Variants in NPTXR observed in about 807,000 individuals in gnomAD.
The protein encoded by NPTXR is neuronal pentraxin receptor.
NPTXR carries 12 observed loss-of-function variants against 32.2 expected under a neutral mutation model. That is an observed-to-expected ratio of 0.37 (90% CI 0.24 to 0.60). NPTXR has a LOEUF of 0.60. Among genes scored for constraint, NPTXR ranks in the 20% least tolerant of loss-of-function variants. The probability of loss-of-function intolerance (pLI) is 0.66; values close to 1 mark genes in which losing one functional copy is unlikely to be tolerated. For missense variants in NPTXR, 612 were observed against 682.9 expected (o/e 0.90, Z 1.16); for synonymous variants, 323 against 315.8 (o/e 1.02, Z -0.24).
Position 38,822,496 on chromosome 22 carries a change from C to T in NPTXR, c.*113G>A. 1.1e-6 allele frequency: 1 copy of T among 892,200 alleles called. No individual in the cohort carries two copies. The highest frequency in any genetic ancestry group is 1.8e-6 in the Non-Finnish European group (1 of 568,194). 55.3% of individuals were successfully genotyped at this position (892,200 alleles called of 1,614,324 possible). On this transcript the variant is annotated 3_prime_UTR_variant, in exon 5 of 5. Transcript: ENST00000333039. Reference sequence around the variant, plus strand: ...GGTGAGGGGAAATGGGAGGCACAGCCAGGAGTGGGGCAGGAGGGAAGGCCA... The same window carrying T: ...GGTGAGGGGAAATGGGAGGCACAGCTAGGAGTGGGGCAGGAGGGAAGGCCA...
rs1393992566 is a variant in NPTXR at position 38,834,198 on chromosome 22, G to A, written c.625-5686C>T. 6.6e-6 allele frequency among the ~76,000 whole-genome samples: 1 copy of A among 152,082 alleles called. No individual in the cohort carries two copies. On this transcript the variant is annotated intron_variant, in intron 1 of 4. Transcript: ENST00000333039. The surrounding 1 kb of genome is among the most constrained non-coding windows in gnomAD (Gnocchi z 4.4). ...AGTCCTGGCTACTCTCCGCTGGACT[G>A]TGCCACAGCTTCCACTCCCACCCTC...
At chr22:38,825,465 T>C (rs1378773147) in intron 3 of NPTXR, among the ~76,000 whole-genome samples, 3 of 152,128 alleles carry the variant, frequency 2.0e-5, no homozygotes, top group African/African-American at 7.2e-5. Flanking sequence ...GTGCCCAGTA[T>C]AATAAAAATA....
intron 3 of NPTXR, among the ~76,000 whole-genome samples, chr22:38,826,181 C>A (rs986578724): frequency 3.3e-5 from 5 of 152,150 alleles, no homozygotes; most frequent in African/African-American, 1.2e-4. Flanking sequence ...TGAGCAGGGC[C>A]CTGGGGGCAG....
intron 1 of NPTXR, 118 bp from the exon 2 acceptor site, chr22:38,828,630 G>T: frequency 2.7e-6 from 2 of 745,252 alleles, no homozygotes; most frequent in Non-Finnish European, 4.3e-6. Flanking sequence ...TCCCCAGTAT[G>T]CAAAATGGGA....
chr22:38,824,675 G>A (rs888421869), intron 3 of NPTXR, among the ~76,000 whole-genome samples: 1 of 152,214 alleles, frequency 6.6e-6, no homozygotes, highest in African/African-American at 2.4e-5. Context: ...CCAGAACAGG[G>A]CTGCCCAATG....
Position 38,822,584 on chromosome 22 carries a change from G to C in NPTXR, c.*25C>G. Reference sequence around the variant, plus strand: ...CAAGTCCCCAAAGTGGCAGGCAAGGGAGGGGCCCTGGATGAGGTGGCCCCT... The same window carrying C: ...CAAGTCCCCAAAGTGGCAGGCAAGGCAGGGGCCCTGGATGAGGTGGCCCCT... On this transcript the variant is annotated 3_prime_UTR_variant, in exon 5 of 5. Transcript: ENST00000333039. 1 of 1,573,170 alleles carries C rather than the reference G, an allele frequency of 6.4e-7. No individual in the cohort carries two copies. Among genetic ancestry groups the C allele is most frequent in the Non-Finnish European group, 8.6e-7 (1 of 1,161,122 alleles).
Position 38,823,251 on chromosome 22 carries a change from C to T in NPTXR, c.1110G>A (p.Leu370=), listed in dbSNP as rs1210836790. 3.1e-6 allele frequency: 5 copies of T among 1,611,644 alleles called. No homozygotes were observed. The South Asian group carries it at 4.4e-5, about 14-fold the overall frequency. ...AGCCATTGTCCTTCAGGCTCAGGGG[C>T]AGCTGGGCCACCTGGACACAGGTCC... is the stretch of plus-strand genomic sequence containing the variant. The change falls in exon 4 of 5, where the codon CTG becomes CTA. Residue 370 remains leucine, a synonymous_variant. Transcript: ENST00000333039.
Position 38,843,178 on chromosome 22 carries a change from G to C in NPTXR, c.624+57C>G. On this transcript the variant is annotated intron_variant, in intron 1 of 4. Coordinates refer to ENST00000333039, the MANE Select transcript of NPTXR (RefSeq NM_014293.4). This position sits in a 1 kb window ranked among gnomAD's most constrained non-coding sequence, Gnocchi z 5.3. The stretch of plus-strand genomic sequence containing the variant: ...GGCTCGGGGACCGCCGGACGACCGC[G>C]GCCGGGCGGCCCCTCACACCACCCG... 1 of 1,259,888 alleles carries C rather than the reference G, an allele frequency of 7.9e-7. No individual in the cohort carries two copies. Among genetic ancestry groups the C allele is most frequent in the Non-Finnish European group, 1.0e-6 (1 of 1,002,656 alleles). The allele number at this position is 1,259,888 out of a possible 1,614,324, so 78.0% of individuals were successfully genotyped here.
Position 38,822,849 on chromosome 22 carries a change from A to C in NPTXR, c.1279-16T>G. 6.2e-7 allele frequency: 1 copy of C among 1,608,132 alleles called. No homozygotes were observed. Among genetic ancestry groups the C allele is most frequent in the Non-Finnish European group, 8.5e-7 (1 of 1,175,542 alleles). On this transcript the variant is annotated splice_polypyrimidine_tract_variant and intron_variant, in intron 4 of 4. Transcript: ENST00000333039. Reference sequence around the variant, plus strand: ...CCAGGGTATCCTGGGCCAAGACAGCAGCAGAGAAAGGAGAGGCATGGAGTG... The same window carrying C: ...CCAGGGTATCCTGGGCCAAGACAGCCGCAGAGAAAGGAGAGGCATGGAGTG...
intron 1 of NPTXR, among the ~76,000 whole-genome samples, chr22:38,837,778 A>C (rs1449211519): frequency 6.6e-6 from 1 of 152,176 alleles, no homozygotes; most frequent in Non-Finnish European, 1.5e-5. Flanking sequence ...ATTAGTCTAA[A>C]GTCACAAGCA....
At chr22:38,823,026 C>T in intron 4 of NPTXR, 57 bp downstream of exon 4, 1 of 1,591,184 alleles carries the variant, frequency 6.3e-7, no homozygotes, top group Non-Finnish European at 8.6e-7. Context: ...CTCTGGCCCT[C>T]AGTCTGCCCA....
At chr22:38,833,655 A>AT (rs5845398) in intron 1 of NPTXR, among the ~76,000 whole-genome samples, 55,845 of 137,948 alleles carry the variant, frequency 0.4, 11,406 homozygotes, top group East Asian at 0.7. Flanking sequence ...GTGACTAACA[A>AT]TTTTTTTTTT....
chr22:38,823,864 A>G (rs2093102166), intron 3 of NPTXR, among the ~76,000 whole-genome samples: 1 of 152,224 alleles, frequency 6.6e-6, no homozygotes, highest in Non-Finnish European at 1.5e-5. Flanking sequence ...CCCTCAGCAC[A>G]GTGCTCTGGA....
chr22:38,826,867 C>T lies in NPTXR; in HGVS notation c.851-120G>A, dbSNP rs778185429. ...CAGGCACCTGCTGCATGCCCAGTGCCTTCAGGGCTCTCTCTGCTCCACCTC... is the reference window on the plus strand; with the variant it reads ...CAGGCACCTGCTGCATGCCCAGTGCTTTCAGGGCTCTCTCTGCTCCACCTC... On this transcript the variant is annotated intron_variant, in intron 2 of 4. Transcript: ENST00000333039. The T allele has an allele frequency of 2.6e-4, 296 of 1,127,646 alleles. 1 individual carries two copies. Among genetic ancestry groups the T allele is most frequent in the Non-Finnish European group, 3.5e-4 (280 of 794,236 alleles). 69.9% of individuals were successfully genotyped at this position (1,127,646 alleles called of 1,614,324 possible). A position where few individuals can be genotyped will look rare whatever the true frequency, so the allele number is the denominator to read the frequency against.
chr22:38,840,276 G>A (rs1179617917), intron 1 of NPTXR, among the ~76,000 whole-genome samples: 1 of 152,110 alleles, frequency 6.6e-6, no homozygotes, highest in Non-Finnish European at 1.5e-5. Context: ...GAGAGGAGGT[G>A]TACTTGGAGC....
chr22:38,843,207 G>T lies in NPTXR; in HGVS notation c.624+28C>A, dbSNP rs531580573. The T allele has an allele frequency of 5.5e-4, 717 of 1,298,216 alleles. 3 individuals are homozygous for T. In the African/African-American group the frequency reaches 8.8e-3, roughly 16 times the overall value. 80.4% of individuals were successfully genotyped at this position (1,298,216 alleles called of 1,614,324 possible). On this transcript the variant is annotated intron_variant, in intron 1 of 4. Transcript: ENST00000333039. The surrounding 1 kb of genome is among the most constrained non-coding windows in gnomAD (Gnocchi z 5.3). The stretch of plus-strand genomic sequence containing the variant: ...GGGCGGCCCCTCACACCACCCGGGC[G>T]GCTCCCCCGACGGCGCGCGGCGCTC...
intron 2 of NPTXR, among the ~76,000 whole-genome samples, chr22:38,827,365 C>G (rs1431853018): frequency 6.6e-6 from 1 of 150,870 alleles, no homozygotes; most frequent in Admixed American, 6.6e-5. Flanking sequence ...TCCCGAGTAG[C>G]TGGGATTACA....
In NPTXR at chr22:38,828,482, C is replaced by T. The variant is rs2093111147; in HGVS notation, c.655G>A (p.Ala219Thr). The T allele has an allele frequency of 1.2e-6, 2 of 1,607,806 alleles. No individual in the cohort carries two copies. The highest frequency in any genetic ancestry group is 2.2e-5 in the South Asian group (2 of 90,360). The change falls in exon 2 of 5, where the codon GCT becomes ACT. Residue 219 changes from alanine (A) to threonine (T), a missense_variant. Coordinates refer to ENST00000333039, the MANE Select transcript of NPTXR (RefSeq NM_014293.4). ...ACAGCAGAGACTGGGGCTGGGGCAG[C>T]TGAGAGGTTCACACGGGCTGGAAGC...
rs1433371395 is a variant in NPTXR, at chr22:38,819,036, A to C, written c.*3573T>G. Reference sequence around the variant, plus strand: ...AAAATGAGGGCTTTGGCCTCTTCTCAGAGCCCTTCCTGTCCAAATCTGTGG... The same window carrying C: ...AAAATGAGGGCTTTGGCCTCTTCTCCGAGCCCTTCCTGTCCAAATCTGTGG... On this transcript the variant is annotated 3_prime_UTR_variant, in exon 5 of 5. Transcript: ENST00000333039. The C allele has an allele frequency of 3.3e-5, 5 of 152,192 alleles. No homozygotes were observed. Among genetic ancestry groups the C allele is most frequent in the Non-Finnish European group, 7.3e-5 (5 of 68,064 alleles). 9.4% of individuals were successfully genotyped at this position (152,192 alleles called of 1,614,324 possible). A position where few individuals can be genotyped will look rare whatever the true frequency, so the allele number is the denominator to read the frequency against.
Sources: allele counts gnomAD v4.1 joint callset (sites outside exome capture counted in the v4.1 genomes callset), GRCh38; gene constraint gnomAD v4.1.1; non-coding constraint Gnocchi (gnomAD v3.1); transcripts MANE v1.5; gene names NCBI Gene and HGNC (gene_info 2026-07-23, HGNC 2026-07-21).